Variants in IFT140 observed in about 807,000 individuals in gnomAD.
IFT140 encodes intraflagellar transport protein 140 homolog.
A neutral mutation model predicts 164.6 loss-of-function variants in IFT140; 133 were observed. The ratio of observed to expected loss-of-function variants is 0.81; its 90% CI spans 0.70 to 0.93. IFT140 has a LOEUF of 0.93. Ranked by LOEUF, IFT140 falls within the 40% of genes least tolerant of loss-of-function variation. The pLI is 0.00. For missense variants in IFT140, 2,045 were observed against 1,972.3 expected, an observed-to-expected ratio of 1.04 and a Z score of -0.70; for synonymous variants, 860 against 817.3, an observed-to-expected ratio of 1.05 and a Z score of -0.89.
chr16:1,592,209 CG>C lies in IFT140; in HGVS notation c.600del (p.His200GlnfsTer10). The C allele has an allele frequency of 6.2e-7, 1 of 1,614,202 alleles. No individual in the cohort carries two copies. Among genetic ancestry groups the C allele is most frequent in the South Asian group, 1.1e-5 (1 of 91,084 alleles). ...AGACTGACAAAGAACAACAGCCCCT[CG>C]TGAGACCCCATCTTCAGCAAACTTC... ...SSGSLLKMGS[H>X]EGLLFFVSLM... is the part of the protein sequence containing the mutation. On this transcript the variant is annotated frameshift_variant, in exon 6 of 31. Transcript: ENST00000426508. LOFTEE classifies it high-confidence loss of function.
rs781233685 is a variant in IFT140, at chr16:1,607,253, TA to T, written c.13del (p.Tyr5MetfsTer5). 6.2e-7 allele frequency: 1 copy of T among 1,613,804 alleles called. No individual in the cohort carries two copies. Among genetic ancestry groups the T allele is most frequent in the South Asian group, 1.1e-5 (1 of 91,046 alleles). On this transcript the variant is annotated frameshift_variant, in exon 3 of 31. Transcript: ENST00000426508. LOFTEE classifies it high-confidence loss of function. MALY[Y>X]DHQIEAPDAA... ...ATCCGGGGCTTCTATCTGGTGGTCA[TA>T]ATAGAGGGCCATGACGGAACTCAGG...
At chr16:1,513,232 G>C (rs1464030586) in intron 30 of IFT140, 2 of 152,238 alleles carry the variant, frequency 1.3e-5, no homozygotes, top group Non-Finnish European at 2.9e-5. Context: ...GCTCACGCCT[G>C]TAATCCCAGC....
chr16:1,542,087 G>A (rs1196045323), intron 19 of IFT140: 3 of 1,589,706 alleles, frequency 1.9e-6, no homozygotes, highest in South Asian at 1.1e-5. Flanking sequence ...GTAAGTACCT[G>A]GGCGGGTGTG....
In IFT140 at chr16:1,524,862, G is replaced by A. The variant is rs2235640; in HGVS notation, c.2919C>T (p.Ala973=). 0.18 allele frequency: 297,942 copies of A among 1,612,372 alleles called. 29,134 individuals carry two copies. The highest frequency in any genetic ancestry group is 0.32 in the East Asian group (14,408 of 44,806). Reference sequence around the variant, plus strand: ...GGGCCAGCTCGTAGTAGTGCAGCGCGGCGTCCATCTCGCCCTGGCTCTCCA... The same window carrying A: ...GGGCCAGCTCGTAGTAGTGCAGCGCAGCGTCCATCTCGCCCTGGCTCTCCA... ...QYLESQGEMD[A]ALHYYELARD... is the part of the protein sequence containing the mutation. Residue 973 remains alanine (A), a synonymous_variant, in exon 23 of 31, where the codon GCC becomes GCT. Coordinates refer to ENST00000426508, the MANE Select transcript of IFT140 (RefSeq NM_014714.4).
chr16:1,598,744 T>G (rs1187276562), intron 4 of IFT140, among the ~76,000 whole-genome samples: 1 of 152,256 alleles, frequency 6.6e-6, no homozygotes, highest in African/African-American at 2.4e-5. Flanking sequence ...CCCTTCTTGG[T>G]GCTTTCTAAA....
At chr16:1,523,262 G>C (rs1374200599) in intron 26 of IFT140, among the ~76,000 whole-genome samples, 2 of 151,272 alleles carry the variant, frequency 1.3e-5, no homozygotes, top group Non-Finnish European at 2.9e-5. Context: ...TTTGTGTTCT[G>C]TGTGTTTTTA....
Position 1,602,429 on chromosome 16 carries a change from CTG to C in IFT140, c.308_309del (p.Thr103SerfsTer74), listed in dbSNP as rs1172857937. 3 of 1,614,248 alleles carry C rather than the reference CTG, an allele frequency of 1.9e-6. No individual in the cohort carries two copies. Among genetic ancestry groups the C allele is most frequent in the Admixed American group, 1.7e-5 (1 of 60,024 alleles). ...KEQHTMPLTH[T>X]ADITVLRWSP... The stretch of plus-strand genomic sequence containing the variant: ...CTCCAACGGAGCACGGTGATGTCGG[CTG>C]TGTGTGTCAGGGGCATCGTGTGCTG... On this transcript the variant is annotated frameshift_variant, in exon 4 of 31. Coordinates refer to ENST00000426508, the MANE Select transcript of IFT140 (RefSeq NM_014714.4). LOFTEE classifies it high-confidence loss of function.
chr16:1,587,261 C>T lies in IFT140; in HGVS notation c.946G>A (p.Asp316Asn). 1 of 1,613,152 alleles carries T rather than the reference C, an allele frequency of 6.2e-7. No individual in the cohort carries two copies. The highest frequency in any genetic ancestry group is 8.5e-7 in the Non-Finnish European group (1 of 1,179,124). Residue 316 changes from aspartate to asparagine, a missense_variant, in exon 9 of 31, where the codon GAT becomes AAT. By Grantham distance (23) the Asp-to-Asn change is conservative (BLOSUM62 1). Coordinates refer to ENST00000426508, the MANE Select transcript of IFT140 (RefSeq NM_014714.4). The stretch of plus-strand genomic sequence containing the variant: ...CCTTTCTCAAAGCCAAACTTCTCAT[C>T]TGGACTCAGTATATAATTCTCTCCT... ...ERGENYILSP[D>N]EKFGFEKGEN...
intron 30 of IFT140, 150 bp downstream of exon 30, chr16:1,518,065 TG>T: frequency 1.4e-6 from 1 of 704,508 alleles, no homozygotes; most frequent in Non-Finnish European, 2.3e-6. Flanking sequence ...CTTGAACTCC[TG>T]GGCTCAAGTC....
At chr16:1,583,495 G>C (rs1431423855) in intron 11 of IFT140, 109 bp from the exon 12 acceptor site, 3 of 805,060 alleles carry the variant, frequency 3.7e-6, no homozygotes, top group Non-Finnish European at 6.2e-6. Context: ...GAACACTGCT[G>C]CTCCATCATC....
intron 17 of IFT140, among the ~76,000 whole-genome samples, chr16:1,563,480 C>A (rs531979000): frequency 1.3e-5 from 2 of 151,838 alleles, no homozygotes; most frequent in Admixed American, 1.3e-4. Flanking sequence ...CAAAAGATTT[C>A]TTTCCTAGAG....
chr16:1,557,898 C>T (rs747033924), intron 19 of IFT140, 37 bp downstream of exon 19: 17 of 1,595,002 alleles, frequency 1.1e-5, no homozygotes, highest in Middle Eastern at 2.1e-4. Context: ...CGTGAGCACG[C>T]GCTATCTCCC....
intron 13 of IFT140, among the ~76,000 whole-genome samples, chr16:1,574,445 T>A (rs949066023): frequency 1.3e-5 from 2 of 152,032 alleles, no homozygotes; most frequent in Non-Finnish European, 2.9e-5. Flanking sequence ...GCCTGGCTAA[T>A]ATTTTTGTAT....
intron 14 of IFT140, 83 bp from the exon 15 acceptor site, chr16:1,568,417 G>C (rs1200186796): frequency 1.8e-6 from 2 of 1,105,498 alleles, no homozygotes; most frequent in African/African-American, 3.1e-5. Context: ...CTGTTCACCG[G>C]ATGAGTGCTG....
rs771142411 is a variant in IFT140 at position 1,524,631 on chromosome 16, T to A, written c.3062A>T (p.Glu1021Val). Residue 1021 changes from glutamate to valine, a missense_variant, in exon 24 of 31, where the codon GAG becomes GTG. Coordinates refer to ENST00000426508, the MANE Select transcript of IFT140 (RefSeq NM_014714.4). Reference sequence around the variant, plus strand: ...CGCCTGCCCGACCTCCTCCTGGCTCTCGTACTGGCGGGCGAGGTGGTAGGA... The same window carrying A: ...CGCCTGCCCGACCTCCTCCTGGCTCACGTACTGGCGGGCGAGGTGGTAGGA... ...AASYHLARQY[E>V]SQEEVGQAVH... 6.2e-7 allele frequency: 1 copy of A among 1,600,754 alleles called. No homozygotes were observed. The highest frequency in any genetic ancestry group is 1.1e-5 in the South Asian group (1 of 90,284).
intron 19 of IFT140, among the ~76,000 whole-genome samples, chr16:1,535,536 C>T (rs2030976523): frequency 6.6e-6 from 1 of 152,196 alleles, no homozygotes; most frequent in African/African-American, 2.4e-5. Context: ...GAGGCAGTGC[C>T]TCTGCTCCAG....
Position 1,603,853 on chromosome 16 carries a change from C to T in IFT140, c.148-1262G>A, listed in dbSNP as rs191978895. On this transcript the variant is annotated intron_variant, in intron 3 of 30. Transcript: ENST00000426508. ...ATATAAGTGCGTTTTCAGAGATTAA[C>T]TTGGTTTGCCCCCAGTTGTTCCACT... Among the ~76,000 whole-genome samples, 8 of 152,280 alleles carry T rather than the reference C, an allele frequency of 5.3e-5. No homozygotes were observed. In the East Asian group the frequency reaches 1.5e-3, roughly 29 times the overall value.
chr16:1,579,901 T>C (rs1271851084), intron 13 of IFT140, among the ~76,000 whole-genome samples: 1 of 150,878 alleles, frequency 6.6e-6, no homozygotes. Flanking sequence ...GAGGCGGAGA[T>C]TGCAGCGAGC....
chr16:1,542,104 G>A (rs756693462), intron 19 of IFT140: 18 of 1,560,986 alleles, frequency 1.2e-5, no homozygotes, highest in South Asian at 3.5e-5. Flanking sequence ...TGTGGCCACC[G>A]CGCCCTTGCC....
Sources: allele counts gnomAD v4.1 joint callset (sites outside exome capture counted in the v4.1 genomes callset), GRCh38; gene constraint gnomAD v4.1.1; transcripts MANE v1.5; gene names NCBI Gene and HGNC (gene_info 2026-07-23, HGNC 2026-07-21).